The following ANO10 variants were observed in gnomAD, a reference collection of about 807,000 sequenced individuals.
The protein encoded by ANO10 is anoctamin-10.
In ANO10, 77 loss-of-function variants were observed where a neutral mutation model predicts 74.7. The observed-to-expected ratio is 1.03, with a 90% CI of 0.86 to 1.25. ANO10 has a LOEUF of 1.25. Among genes scored for constraint, ANO10 ranks in the 50% most tolerant of loss-of-function variants. The probability of loss-of-function intolerance (pLI) is 0.00; values close to 1 mark genes in which losing one functional copy is unlikely to be tolerated. For missense variants in ANO10, 721 were observed against 778.1 expected (o/e 0.93, Z 0.87); for synonymous variants, 279 against 284.9 (o/e 0.98, Z 0.21).
chr3:43,395,998 T>C (rs2092371240), intron 12 of ANO10, among the ~76,000 whole-genome samples: 1 of 152,180 alleles, frequency 6.6e-6, no homozygotes, highest in Non-Finnish European at 1.5e-5. Context: ...TCTGTGCAGA[T>C]GATCATGTCA....
At chr3:43,656,459 G>A (rs2083853541) in intron 1 of ANO10, among the ~76,000 whole-genome samples, 1 of 152,230 alleles carries the variant, frequency 6.6e-6, no homozygotes, top group Admixed American at 6.5e-5. Context: ...TGATGGGACT[G>A]GGCGCCATGG....
Position 43,421,133 on chromosome 3 carries a change from G to A in ANO10, c.1914+11478C>T, listed in dbSNP as rs2148913949. 1.3e-5 allele frequency among the ~76,000 whole-genome samples: 2 copies of A among 152,222 alleles called. 1 individual carries two copies. The highest frequency in any genetic ancestry group is 4.1e-4 in the South Asian group (2 of 4,822). On this transcript the variant is annotated intron_variant, in intron 12 of 12. Transcript: ENST00000292246. The stretch of plus-strand genomic sequence containing the variant: ...AGCTACTCGGGAGGCTGAGGTGGGA[G>A]AATTGCTTGAACCCAGGAGGTGGAA...
At chr3:43,468,314 C>G (rs888845952) in intron 11 of ANO10, among the ~76,000 whole-genome samples, 8 of 152,160 alleles carry the variant, frequency 5.3e-5, no homozygotes, top group African/African-American at 1.9e-4. Context: ...ACAGTATTGA[C>G]ACATGGGCCC....
chr3:43,600,560 G>T lies in ANO10; in HGVS notation c.161C>A (p.Pro54Gln). 1 of 1,611,984 alleles carries T rather than the reference G, an allele frequency of 6.2e-7. No individual in the cohort carries two copies. Among genetic ancestry groups the T allele is most frequent in the Non-Finnish European group, 8.5e-7 (1 of 1,178,260 alleles). The change falls in exon 3 of 13, where the codon CCA becomes CAA. Residue 54 changes from proline to glutamine, a missense_variant. Pro to Gln is a moderately conservative substitution (Grantham distance 76). Transcript: ENST00000292246. ...TTCTTGTTCATATTTATTTAACAAT[G>T]GTCTAAACAACAACTGGGCACCTTC... is the stretch of plus-strand genomic sequence containing the variant. ...KDGGAQLLFR[P>Q]LLNKYEQETL...
At chr3:43,606,518 G>T (rs1462233247) in intron 1 of ANO10, among the ~76,000 whole-genome samples, 1 of 152,106 alleles carries the variant, frequency 6.6e-6, no homozygotes, top group Non-Finnish European at 1.5e-5. Flanking sequence ...TAGAGTGTGG[G>T]AGGCCAGTTA....
chr3:43,482,893 C>A (rs2076326008), intron 11 of ANO10, among the ~76,000 whole-genome samples: 1 of 152,106 alleles, frequency 6.6e-6, no homozygotes, highest in Non-Finnish European at 1.5e-5. Context: ...ACAGTCCCCA[C>A]CAGGAGCAAA....
chr3:43,554,072 T>C (rs1017856269), intron 10 of ANO10, among the ~76,000 whole-genome samples: 3 of 152,196 alleles, frequency 2.0e-5, no homozygotes, highest in African/African-American at 7.2e-5. Context: ...AAGGCTGTTT[T>C]AAAATCTCTG....
At chr3:43,371,435 C>A (rs1379186101) in intron 12 of ANO10, among the ~76,000 whole-genome samples, 1 of 152,202 alleles carries the variant, frequency 6.6e-6, no homozygotes, top group Non-Finnish European at 1.5e-5. Flanking sequence ...TGAGATGGAG[C>A]ATCATGATCA....
At chr3:43,535,971 T>C (rs2078692797) in intron 11 of ANO10, among the ~76,000 whole-genome samples, 1 of 152,234 alleles carries the variant, frequency 6.6e-6, no homozygotes, top group African/African-American at 2.4e-5. Context: ...AACTATAAGA[T>C]AAGTACTGAC....
At chr3:43,617,166 C>T (rs969140024) in intron 1 of ANO10, among the ~76,000 whole-genome samples, 4 of 148,332 alleles carry the variant, frequency 2.7e-5, no homozygotes, top group African/African-American at 7.5e-5. Flanking sequence ...ACCAAGCATA[C>T]GAGATGAAAA....
At chr3:43,670,745 C>T (rs139429918) in intron 1 of ANO10, among the ~76,000 whole-genome samples, 34 of 152,306 alleles carry the variant, frequency 2.2e-4, no homozygotes, top group African/African-American at 7.7e-4. Context: ...GCTGGTAGCA[C>T]AGTGGTTACT....
rs75153532 is a variant in ANO10 at position 43,554,007 on chromosome 3, C to T, written c.1668+1271G>A. ...ATCTCTTTGCTGAGATATCCTAATT[C>T]TGTTTTTTCATTTGTTTCAGATATG... On this transcript the variant is annotated intron_variant, in intron 10 of 12. Coordinates refer to ENST00000292246, the MANE Select transcript of ANO10 (RefSeq NM_018075.5). Among the ~76,000 whole-genome samples the T allele has an allele frequency of 6.8e-4, 103 of 152,104 alleles. 1 individual carries two copies. The East Asian group carries it at 0.014, about 21-fold the overall frequency.
At chr3:43,513,123 G>A (rs1480043273) in intron 11 of ANO10, among the ~76,000 whole-genome samples, 1 of 152,170 alleles carries the variant, frequency 6.6e-6, no homozygotes, top group Non-Finnish European at 1.5e-5. Flanking sequence ...ACGTATGTGA[G>A]GAAACTATCT....
chr3:43,592,624 G>A (rs568772066), intron 4 of ANO10, among the ~76,000 whole-genome samples: 5 of 152,302 alleles, frequency 3.3e-5, no homozygotes, highest in African/African-American at 1.2e-4. Context: ...ACCAAAGATA[G>A]ATAAAATCAT....
chr3:43,666,667 T>C (rs1425554092), intron 1 of ANO10, among the ~76,000 whole-genome samples: 1 of 152,158 alleles, frequency 6.6e-6, no homozygotes, highest in East Asian at 1.9e-4. Flanking sequence ...GATGGGTAAT[T>C]TATAAATAAT....
At chr3:43,594,860 C>T (rs962119452) in intron 4 of ANO10, among the ~76,000 whole-genome samples, 8 of 149,050 alleles carry the variant, frequency 5.4e-5, no homozygotes, top group African/African-American at 1.5e-4. Flanking sequence ...ATTGATAGAC[C>T]GCTAGCAAGA....
chr3:43,449,081 T>C (rs2074726617), intron 11 of ANO10, among the ~76,000 whole-genome samples: 2 of 152,082 alleles, frequency 1.3e-5, no homozygotes, highest in Non-Finnish European at 2.9e-5. Flanking sequence ...TTCACCGTGT[T>C]AGCCAGGATG....
At chr3:43,491,786 A>T (rs1447009340) in intron 11 of ANO10, among the ~76,000 whole-genome samples, 1 of 152,188 alleles carries the variant, frequency 6.6e-6, no homozygotes, top group Non-Finnish European at 1.5e-5. Flanking sequence ...AGAAAAATAT[A>T]CAGAATATGA....
At chr3:43,448,617 C>T (rs11718482) in intron 11 of ANO10, among the ~76,000 whole-genome samples, 33,761 of 151,996 alleles carry the variant, frequency 0.22, 4,282 homozygotes, top group Middle Eastern at 0.36. Context: ...TTGGTTGCTC[C>T]GAAGTTTGGA....
Sources: allele counts gnomAD v4.1 joint callset (sites outside exome capture counted in the v4.1 genomes callset), GRCh38; gene constraint gnomAD v4.1.1; transcripts MANE v1.5; gene names NCBI Gene and HGNC (gene_info 2026-07-23, HGNC 2026-07-21).